The following VPS8 variants were observed in gnomAD, a reference collection of about 807,000 sequenced individuals.
VPS8 encodes VPS8 subunit of CORVET complex.
A neutral mutation model predicts 216.4 loss-of-function variants in VPS8; 129 were observed. That is an observed-to-expected ratio of 0.60 (90% CI 0.52 to 0.69). VPS8 has a LOEUF of 0.69. Among genes scored for constraint, VPS8 ranks in the 30% least tolerant of loss-of-function variants. The pLI, the probability that VPS8 is intolerant of heterozygous loss-of-function variation, is 0.00. For synonymous variants in VPS8, 571 were observed against 565.4 expected, an observed-to-expected ratio of 1.01 and a Z score of -0.14; for missense variants, 1,531 against 1,683.5, an observed-to-expected ratio of 0.91 and a Z score of 1.59.
In VPS8 at chr3:184,971,813, G is replaced by A. The variant is rs149087669; in HGVS notation, c.3420+61G>A. ...TACTTGGCCAGACATGGTGGCCCACGTCTGTAATCCCAGCACTTTGGGAGG... is the reference window on the plus strand; with the variant it reads ...TACTTGGCCAGACATGGTGGCCCACATCTGTAATCCCAGCACTTTGGGAGG... On this transcript the variant is annotated intron_variant, in intron 40 of 47. Coordinates refer to ENST00000625842, the MANE Select transcript of VPS8 (RefSeq NM_001009921.3). The A allele has an allele frequency of 7.2e-5, 101 of 1,410,028 alleles. No homozygotes were observed. In the East Asian group the frequency reaches 2.1e-3, roughly 29 times the overall value. The allele number at this position is 1,410,028 out of a possible 1,614,324, so 87.3% of individuals were successfully genotyped here.
Position 184,824,599 on chromosome 3 carries a change from T to C in VPS8, c.-34T>C, listed in dbSNP as rs766112746. 16 of 1,587,324 alleles carry C rather than the reference T, an allele frequency of 1.0e-5. No individual in the cohort carries two copies. The highest frequency in any genetic ancestry group is 3.4e-6 in the Non-Finnish European group (4 of 1,164,782). ...GGCCAAACAAACAAAAAACACTTGC[T>C]TTGATGGACTGAATACTGTTATTAG... On this transcript the variant is annotated 5_prime_UTR_variant, in exon 2 of 48. Coordinates refer to ENST00000625842, the MANE Select transcript of VPS8 (RefSeq NM_001009921.3).
Position 184,898,619 on chromosome 3 carries a change from A to G in VPS8, c.2059A>G (p.Asn687Asp). 6.4e-7 allele frequency: 1 copy of G among 1,554,786 alleles called. No individual in the cohort carries two copies. The highest frequency in any genetic ancestry group is 8.7e-7 in the Non-Finnish European group (1 of 1,148,244). ...RLYDAMIYVYNRGMNEFISPM... is the reference protein window; with the variant it reads ...RLYDAMIYVYDRGMNEFISPM... ...ATATGATGCTATGATCTATGTCTAC[A>G]ACAGAGGCATGAATGAATTTATTAG... is the stretch of plus-strand genomic sequence containing the variant. Residue 687 changes from asparagine (N) to aspartate (D), a missense_variant, in exon 24 of 48, where the codon AAC becomes GAC. Asn to Asp is a conservative substitution (Grantham distance 23). Coordinates refer to ENST00000625842, the MANE Select transcript of VPS8 (RefSeq NM_001009921.3).
intron 13 of VPS8, among the ~76,000 whole-genome samples, chr3:184,854,397 C>G (rs533126522): frequency 6.6e-6 from 1 of 152,318 alleles, no homozygotes; most frequent in South Asian, 2.1e-4. Context: ...TACTTTTCCA[C>G]TTTATCACTT....
chr3:184,869,683 G>A (rs1727990493), intron 20 of VPS8, among the ~76,000 whole-genome samples, 155 bp downstream of exon 20: 1 of 152,026 alleles, frequency 6.6e-6, no homozygotes, highest in African/African-American at 2.4e-5. Flanking sequence ...GGGGTCAGGG[G>A]TTCAAGACTA....
intron 45 of VPS8, among the ~76,000 whole-genome samples, chr3:185,006,918 T>C (rs976511775): frequency 2.0e-5 from 3 of 152,204 alleles, no homozygotes; most frequent in Admixed American, 6.5e-5. Context: ...TGGCTCCAAC[T>C]CTACAGGATG....
chr3:185,033,236 C>T (rs771049944), intron 46 of VPS8, among the ~76,000 whole-genome samples: 6 of 152,182 alleles, frequency 3.9e-5, no homozygotes, highest in Non-Finnish European at 5.9e-5. Context: ...ACCATTACAC[C>T]GTCATACAGA....
intron 35 of VPS8, among the ~76,000 whole-genome samples, chr3:184,938,971 A>G (rs1576910693): frequency 6.7e-6 from 1 of 148,562 alleles, no homozygotes; most frequent in East Asian, 2.0e-4. Flanking sequence ...TTGAGGCCGC[A>G]GTGAGCTGTG....
intron 46 of VPS8, among the ~76,000 whole-genome samples, chr3:185,040,233 T>C (rs750026992): frequency 6.6e-6 from 1 of 152,140 alleles, no homozygotes; most frequent in African/African-American, 2.4e-5. Context: ...ATCCACACTA[T>C]AGCAGAGCTC....
At chr3:184,815,499 A>T (rs951735617) in intron 1 of VPS8, among the ~76,000 whole-genome samples, 1 of 152,152 alleles carries the variant, frequency 6.6e-6, no homozygotes, top group African/African-American at 2.4e-5. Context: ...GGGGCACATG[A>T]CTGTATATAA....
intron 46 of VPS8, among the ~76,000 whole-genome samples, chr3:185,043,699 A>G (rs1024681411): frequency 2.6e-5 from 4 of 152,202 alleles, no homozygotes; most frequent in African/African-American, 9.6e-5. Context: ...TATTTCCATT[A>G]GCTGCTCTCT....
chr3:184,833,441 T>G (rs1360963012), intron 4 of VPS8, among the ~76,000 whole-genome samples: 1 of 152,226 alleles, frequency 6.6e-6, no homozygotes, highest in Non-Finnish European at 1.5e-5. Flanking sequence ...GTCAATGTTC[T>G]TTTCTTTAGG....
chr3:185,015,742 T>TG (rs1241310370), intron 45 of VPS8, among the ~76,000 whole-genome samples: 1 of 152,230 alleles, frequency 6.6e-6, no homozygotes, highest in Non-Finnish European at 1.5e-5. Flanking sequence ...TATAAAAGCT[T>TG]GCTGTATTTC....
intron 35 of VPS8, among the ~76,000 whole-genome samples, chr3:184,939,180 T>C (rs1231648675): frequency 1.3e-5 from 2 of 152,136 alleles, no homozygotes; most frequent in African/African-American, 2.4e-5. Flanking sequence ...GCAAGAAATA[T>C]GCCTCTGACC....
intron 7 of VPS8, among the ~76,000 whole-genome samples, chr3:184,841,494 T>C (rs1722132113): frequency 6.6e-6 from 1 of 152,234 alleles, no homozygotes; most frequent in Non-Finnish European, 1.5e-5. Context: ...AAGTTGTTTG[T>C]AAACATATAG....
chr3:185,006,955 A>G (rs945914208), intron 45 of VPS8, among the ~76,000 whole-genome samples: 3 of 152,210 alleles, frequency 2.0e-5, no homozygotes, highest in Non-Finnish European at 4.4e-5. Context: ...AACTATGGTC[A>G]TGGCAGATAA....
chr3:184,841,194 T>C (rs918645732), intron 7 of VPS8, among the ~76,000 whole-genome samples: 3 of 152,134 alleles, frequency 2.0e-5, no homozygotes, highest in Non-Finnish European at 2.9e-5. Context: ...GTAGAAAATA[T>C]AGAAAATATA....
intron 21 of VPS8, among the ~76,000 whole-genome samples, chr3:184,871,375 T>C (rs1460133422): frequency 1.3e-5 from 2 of 152,162 alleles, no homozygotes. Flanking sequence ...TGCAAATTGC[T>C]GTTCCCCATT....
intron 23 of VPS8, among the ~76,000 whole-genome samples, chr3:184,896,263 GCCTA>G (rs1272244683): frequency 1.3e-5 from 2 of 151,814 alleles, no homozygotes; most frequent in Non-Finnish European, 2.9e-5. Flanking sequence ...ATCTAGTTTT[GCCTA>G]CCTATCACAT....
At chr3:184,825,413 A>C (rs147259742) in intron 2 of VPS8, among the ~76,000 whole-genome samples, 5 of 152,042 alleles carry the variant, frequency 3.3e-5, no homozygotes, top group Admixed American at 3.3e-4. Context: ...ATGGGTTTCT[A>C]TGAGTATGAG....
Sources: allele counts gnomAD v4.1 joint callset (sites outside exome capture counted in the v4.1 genomes callset), GRCh38; gene constraint gnomAD v4.1.1; transcripts MANE v1.5; gene names NCBI Gene and HGNC (gene_info 2026-07-23, HGNC 2026-07-21).